Variants in SNRPN observed in about 807,000 individuals in gnomAD.
SNRPN encodes the protein small nuclear ribonucleoprotein-associated protein N.
SNRPN carries 7 observed loss-of-function variants against 25.2 expected under a neutral mutation model. The ratio of observed to expected loss-of-function variants is 0.28; its 90% CI spans 0.16 to 0.52. The LOEUF (loss-of-function observed/expected upper bound fraction) is 0.52. Among genes scored for constraint, SNRPN ranks in the 20% least tolerant of loss-of-function variants. The pLI is 0.96. For missense variants in SNRPN, 196 were observed against 322.5 expected (o/e 0.61, Z 3.00); for synonymous variants, 124 against 110.6 (o/e 1.12, Z -0.76).
intron 2 of SNRPN, among the ~76,000 whole-genome samples, chr15:24,966,275 T>C (rs1250800182): frequency 6.8e-6 from 1 of 147,772 alleles, no homozygotes; most frequent in East Asian, 1.9e-4. Context: ...GAAAGTGCTA[T>C]ACTTACTAGT....
chr15:24,905,271 G>C (rs918188657), intron 2 of SNRPN, among the ~76,000 whole-genome samples: 10 of 152,052 alleles, frequency 6.6e-5, no homozygotes, highest in African/African-American at 1.9e-4. Context: ...AGCACTTTGG[G>C]AGGCCGAGGT....
intron 2 of SNRPN, among the ~76,000 whole-genome samples, chr15:24,966,595 T>G (rs571880833): frequency 6.6e-6 from 1 of 152,274 alleles, no homozygotes; most frequent in East Asian, 1.9e-4. Context: ...TCTTGAGACA[T>G]CTCATTACCA....
intron 3 of SNRPN, among the ~76,000 whole-genome samples, chr15:24,927,722 A>G (rs1466375607): frequency 2.0e-5 from 3 of 151,980 alleles, no homozygotes; most frequent in Non-Finnish European, 4.4e-5. Context: ...TTCATGTTAA[A>G]TATCTTGTTT....
intron 2 of SNRPN, among the ~76,000 whole-genome samples, chr15:24,888,701 C>T (rs901651809): frequency 6.6e-6 from 1 of 152,156 alleles, no homozygotes; most frequent in Non-Finnish European, 1.5e-5. Flanking sequence ...TACAGATAGT[C>T]AACCATGCTA....
At chr15:24,879,480 C>T (rs1367243514) in intron 1 of SNRPN, among the ~76,000 whole-genome samples, 4 of 151,740 alleles carry the variant, frequency 2.6e-5, no homozygotes, top group African/African-American at 9.7e-5. Context: ...TTAATTGAAG[C>T]TCAGAAAATA....
chr15:24,925,267 G>C (rs1566919172), intron 3 of SNRPN, among the ~76,000 whole-genome samples: 1 of 152,098 alleles, frequency 6.6e-6, no homozygotes, highest in Admixed American at 6.6e-5. Flanking sequence ...GGTGTTTTAT[G>C]TCAATCATAG....
chr15:24,847,279 G>A (rs746794010), intron 2 of SNRPN, among the ~76,000 whole-genome samples: 2 of 151,718 alleles, frequency 1.3e-5, no homozygotes, highest in Admixed American at 6.6e-5. Context: ...CAAGAGGCGG[G>A]AAAAAAAAGG....
chr15:24,972,541 C>CT (rs755600861), intron 3 of SNRPN, among the ~76,000 whole-genome samples: 1,198 of 112,180 alleles, frequency 0.011, 7 homozygotes, highest in Middle Eastern at 0.014. Context: ...TTAGAGTATT[C>CT]TTTTTTTTTT....
intron 3 of SNRPN, among the ~76,000 whole-genome samples, chr15:24,922,058 A>G (rs1044247004): frequency 6.7e-6 from 1 of 150,056 alleles, no homozygotes; most frequent in African/African-American, 2.5e-5. Context: ...AAAAAAAAAA[A>G]AAAAATTAGC....
chr15:24,873,125 T>A (rs1431439633), intron 1 of SNRPN, among the ~76,000 whole-genome samples: 1 of 117,872 alleles, frequency 8.5e-6, no homozygotes, highest in African/African-American at 3.0e-5. Flanking sequence ...TGAATTTCCA[T>A]ATGAATTTTA....
intron 1 of SNRPN, among the ~76,000 whole-genome samples, chr15:24,879,261 C>T (rs1201435584): frequency 3.3e-5 from 5 of 151,962 alleles, no homozygotes; most frequent in African/African-American, 4.8e-5. Flanking sequence ...ACGGTGAAAC[C>T]TCGTCTCTAC....
intron 2 of SNRPN, among the ~76,000 whole-genome samples, chr15:24,966,104 AT>A (rs977427176): frequency 2.2e-4 from 33 of 152,274 alleles, no homozygotes; most frequent in Admixed American, 6.5e-4. Flanking sequence ...AGTTGTCTAG[AT>A]GCCCTCCAGA....
intron 2 of SNRPN, among the ~76,000 whole-genome samples, chr15:24,901,408 C>T (rs935938597): frequency 2.6e-5 from 4 of 152,108 alleles, no homozygotes; most frequent in Non-Finnish European, 4.4e-5. Flanking sequence ...AGAAAAGTTC[C>T]GGGTCTGGTA....
intron 2 of SNRPN, chr15:24,848,758 A>C (rs2052503337): frequency 6.6e-6 from 1 of 152,114 alleles, no homozygotes; most frequent in Non-Finnish European, 1.5e-5. Flanking sequence ...TCTTCCACCA[A>C]CATACCTTTA....
chr15:24,957,772 A>G (rs1460481808), intron 1 of SNRPN, among the ~76,000 whole-genome samples: 1 of 152,112 alleles, frequency 6.6e-6, no homozygotes, highest in East Asian at 1.9e-4. Flanking sequence ...AGCAGTTCAC[A>G]TACATATATT....
chr15:24,866,323 A>G (rs1279910865), intron 1 of SNRPN, among the ~76,000 whole-genome samples: 1 of 152,194 alleles, frequency 6.6e-6, no homozygotes, highest in East Asian at 1.9e-4. Flanking sequence ...TGGAATGGCT[A>G]AATCCAGCTA....
At chr15:24,869,534 T>C (rs987420415) in intron 1 of SNRPN, among the ~76,000 whole-genome samples, 4 of 152,176 alleles carry the variant, frequency 2.6e-5, no homozygotes, top group African/African-American at 7.2e-5. Flanking sequence ...TCTCAGACTT[T>C]CCTTGTTATT....
intron 1 of SNRPN, among the ~76,000 whole-genome samples, chr15:24,874,986 GTAA>G (rs2055709955): frequency 6.6e-6 from 1 of 152,092 alleles, no homozygotes; most frequent in East Asian, 1.9e-4. Context: ...GTTTTTTTCA[GTAA>G]TAATATAAAA....
chr15:24,832,192 A>T (rs1004291895), intron 2 of SNRPN, among the ~76,000 whole-genome samples: 2 of 152,000 alleles, frequency 1.3e-5, no homozygotes, highest in Non-Finnish European at 2.9e-5. Context: ...AGCCATTCTA[A>T]CAAGTGTGAG....
Sources: allele counts gnomAD v4.1 joint callset (sites outside exome capture counted in the v4.1 genomes callset), GRCh38; gene constraint gnomAD v4.1.1; transcripts MANE v1.5; gene names NCBI Gene and HGNC (gene_info 2026-07-23, HGNC 2026-07-21).